The following DLG2 variants were observed in gnomAD, a reference collection of about 807,000 sequenced individuals.
The protein encoded by DLG2 is discs large MAGUK scaffold protein 2, also known as disks large homolog 2.
A neutral mutation model predicts 132.5 loss-of-function variants in DLG2; 45 were observed. The ratio of observed to expected loss-of-function variants is 0.34; its 90% CI spans 0.27 to 0.44. The LOEUF (loss-of-function observed/expected upper bound fraction) is 0.44. DLG2 is among the 20% of genes least tolerant of loss of function. The probability of loss-of-function intolerance (pLI) is 1.00; values close to 1 mark genes in which losing one functional copy is unlikely to be tolerated. For missense variants in DLG2, 1,045 were observed against 1,196.9 expected, an observed-to-expected ratio of 0.87 and a Z score of 1.87; for synonymous variants, 424 against 419.6, an observed-to-expected ratio of 1.01 and a Z score of -0.13.
chr11:83,637,394 CA>C (rs1222019624), intron 18 of DLG2, among the ~76,000 whole-genome samples: 1 of 152,130 alleles, frequency 6.6e-6, no homozygotes, highest in Non-Finnish European at 1.5e-5. Flanking sequence ...ATTTACTGAG[CA>C]CCTGCAATGA....
At position 84,224,364 on chromosome 11, in the gene DLG2, CTGTT is replaced by C. The variant is rs555320787; in HGVS notation, c.573+26870_573+26873del. Among the ~76,000 whole-genome samples, 46 of 152,254 alleles carry C rather than the reference CTGTT, an allele frequency of 3.0e-4. 1 individual carries two copies. In the East Asian group the frequency reaches 8.3e-3, roughly 27 times the overall value. On this transcript the variant is annotated intron_variant, in intron 8 of 27. Coordinates refer to ENST00000376104, the MANE Select transcript of DLG2 (RefSeq NM_001142699.3). ...ACAAACCTCCTAAGGTCTTAAGAGG[CTGTT>C]TGTTTGATCTTTCAATTTCTACTTC...
chr11:84,746,064 T>C (rs1253646837), intron 6 of DLG2, among the ~76,000 whole-genome samples: 15 of 152,058 alleles, frequency 9.9e-5, no homozygotes, highest in Admixed American at 9.8e-4. Context: ...ATGGATGATA[T>C]ATTGTTTCTA....
chr11:83,576,759 T>C (rs1368863150), intron 19 of DLG2, among the ~76,000 whole-genome samples: 1 of 152,210 alleles, frequency 6.6e-6, no homozygotes, highest in Non-Finnish European at 1.5e-5. Flanking sequence ...TAGTAGCAGA[T>C]GTGCACTTAA....
At position 84,695,583 on chromosome 11, in the gene DLG2, G is replaced by A. The variant is rs544235416; in HGVS notation, c.358-160852C>T. On this transcript the variant is annotated intron_variant, in intron 6 of 27. Transcript: ENST00000376104. ...AGCTTTGTCAGAAAGCATGGAATGA[G>A]ATTTGAACATTTTGCATGGAATGGT... Among the ~76,000 whole-genome samples, 10 of 151,672 alleles carry A rather than the reference G, an allele frequency of 6.6e-5. No homozygotes were observed. In the East Asian group the frequency reaches 1.9e-3, roughly 29 times the overall value.
At chr11:85,594,569 T>C (rs1196230812) in intron 3 of DLG2, among the ~76,000 whole-genome samples, 1 of 152,186 alleles carries the variant, frequency 6.6e-6, no homozygotes, top group Non-Finnish European at 1.5e-5. Context: ...CTGTGAAATA[T>C]ATCTATAGTT....
chr11:85,390,999 C>A (rs894183940), intron 3 of DLG2, among the ~76,000 whole-genome samples: 1 of 151,766 alleles, frequency 6.6e-6, no homozygotes, highest in Non-Finnish European at 1.5e-5. Context: ...AAACAAAAAG[C>A]TGGTTCTTTG....
rs139763677 is a variant in DLG2 at position 84,506,569 on chromosome 11, CT to C, written c.519+28000del. The stretch of plus-strand genomic sequence containing the variant: ...GCTGGAAAAGGCAAGGAAACTGATT[CT>C]TCCCTCAAGGCTTCAGAACATAGCC... On this transcript the variant is annotated intron_variant, in intron 7 of 27. Coordinates refer to ENST00000376104, the MANE Select transcript of DLG2 (RefSeq NM_001142699.3). 3.1e-3 allele frequency among the ~76,000 whole-genome samples: 478 copies of C among 152,264 alleles called. 1 individual carries two copies. The highest frequency in any genetic ancestry group is 8.9e-3 in the South Asian group (43 of 4,822).
At chr11:84,619,535 GA>G (rs1161870176) in intron 6 of DLG2, among the ~76,000 whole-genome samples, 1 of 150,656 alleles carries the variant, frequency 6.6e-6, no homozygotes, top group Non-Finnish European at 1.5e-5. Flanking sequence ...AAAGAAGAAA[GA>G]AAAAAAGAGA....
At chr11:85,026,758 A>G (rs2060556674) in intron 6 of DLG2, among the ~76,000 whole-genome samples, 1 of 152,078 alleles carries the variant, frequency 6.6e-6, no homozygotes, top group Non-Finnish European at 1.5e-5. Context: ...AATGGCGTGA[A>G]CTGGGGAGGC....
intron 24 of DLG2, among the ~76,000 whole-genome samples, chr11:83,471,132 C>A (rs2091972360): frequency 6.6e-6 from 1 of 152,058 alleles, no homozygotes; most frequent in African/African-American, 2.4e-5. Context: ...TGAAGTGTTA[C>A]ACATTTTCTT....
intron 19 of DLG2, among the ~76,000 whole-genome samples, chr11:83,588,113 G>T (rs1170962395): frequency 6.6e-6 from 1 of 152,088 alleles, no homozygotes; most frequent in African/African-American, 2.4e-5. Context: ...TGGGAAGCTC[G>T]AACTGGGTGG....
chr11:83,784,393 A>T (rs2094954842), intron 18 of DLG2, among the ~76,000 whole-genome samples: 1 of 152,230 alleles, frequency 6.6e-6, no homozygotes, highest in African/African-American at 2.4e-5. Context: ...AGAGGAAAGA[A>T]ATCTGATTGC....
At chr11:85,441,299 T>G (rs1258262494) in intron 3 of DLG2, among the ~76,000 whole-genome samples, 1 of 152,166 alleles carries the variant, frequency 6.6e-6, no homozygotes, top group Non-Finnish European at 1.5e-5. Context: ...ATGGTTTTCC[T>G]TATATTTGTA....
At chr11:85,048,322 G>A (rs1041557096) in intron 6 of DLG2, among the ~76,000 whole-genome samples, 3 of 151,862 alleles carry the variant, frequency 2.0e-5, no homozygotes, top group Non-Finnish European at 4.4e-5. Context: ...CTTAGAAATG[G>A]ATATATTCCA....
Position 84,285,043 on chromosome 11 carries a change from T to G in DLG2, c.520-33752A>C, listed in dbSNP as rs991696074. Among the ~76,000 whole-genome samples, 3 of 152,302 alleles carry G rather than the reference T, an allele frequency of 2.0e-5. No homozygotes were observed. The East Asian group carries it at 5.8e-4, about 29-fold the overall frequency. Reference sequence around the variant, plus strand: ...AGGACTTCTCTGTTACTTTTCACATTCTCCCTATTTACACATTTAAACATT... The same window carrying G: ...AGGACTTCTCTGTTACTTTTCACATGCTCCCTATTTACACATTTAAACATT... On this transcript the variant is annotated intron_variant, in intron 7 of 27. Transcript: ENST00000376104.
At chr11:83,818,579 C>G (rs1357967267) in intron 17 of DLG2, among the ~76,000 whole-genome samples, 2 of 152,148 alleles carry the variant, frequency 1.3e-5, no homozygotes, top group Non-Finnish European at 2.9e-5. Context: ...ACAGAAGCCC[C>G]TATCAAGTTC....
At chr11:85,190,680 T>A (rs2080455325) in intron 4 of DLG2, among the ~76,000 whole-genome samples, 1 of 152,150 alleles carries the variant, frequency 6.6e-6, no homozygotes, top group Admixed American at 6.5e-5. Flanking sequence ...AAGGTGATAT[T>A]AACATCAACC....
intron 11 of DLG2, among the ~76,000 whole-genome samples, chr11:84,007,058 G>A (rs1287438038): frequency 1.3e-5 from 2 of 151,634 alleles, no homozygotes; most frequent in African/African-American, 2.4e-5. Flanking sequence ...TACCTCACTC[G>A]ATCACCCTTA....
intron 9 of DLG2, among the ~76,000 whole-genome samples, chr11:84,163,049 C>A (rs1237637508): frequency 6.6e-6 from 1 of 152,022 alleles, no homozygotes; most frequent in Non-Finnish European, 1.5e-5. Flanking sequence ...TAAAATGCAC[C>A]ACTTGTTTTT....
Sources: allele counts gnomAD v4.1 joint callset (sites outside exome capture counted in the v4.1 genomes callset), GRCh38; gene constraint gnomAD v4.1.1; transcripts MANE v1.5; gene names NCBI Gene and HGNC (gene_info 2026-07-23, HGNC 2026-07-21).